USP54: variants seen among roughly 807,000 people sequenced by gnomAD.
USP54 encodes ubiquitin carboxyl-terminal hydrolase 54.
A neutral mutation model predicts 170.5 loss-of-function variants in USP54; 87 were observed. The observed-to-expected ratio is 0.51, with a 90% CI of 0.43 to 0.61. The LOEUF is 0.61. Among genes scored for constraint, USP54 ranks in the 20% least tolerant of loss-of-function variants. The probability of loss-of-function intolerance (pLI) is 0.00; values close to 1 mark genes in which losing one functional copy is unlikely to be tolerated. For missense variants in USP54, 1,786 were observed against 2,047.8 expected, an observed-to-expected ratio of 0.87 and a Z score of 2.47; for synonymous variants, 655 against 742.8, an observed-to-expected ratio of 0.88 and a Z score of 1.92.
At chr10:73,544,018 C>T (rs1590214008) in intron 5 of USP54, among the ~76,000 whole-genome samples, 2 of 152,068 alleles carry the variant, frequency 1.3e-5, no homozygotes, top group South Asian at 4.2e-4. Flanking sequence ...TCTCGGCTCA[C>T]TGCAACCTCT....
At chr10:73,601,899 A>G (rs12774761) in intron 1 of USP54, among the ~76,000 whole-genome samples, 2 of 152,200 alleles carry the variant, frequency 1.3e-5, no homozygotes, top group African/African-American at 4.8e-5. Flanking sequence ...ATTTTCAGCT[A>G]CAACGGAGGT....
intron 1 of USP54, among the ~76,000 whole-genome samples, chr10:73,606,034 C>A (rs2079591447): frequency 6.6e-6 from 1 of 151,566 alleles, no homozygotes; most frequent in African/African-American, 2.4e-5. Context: ...AAAAATTAGC[C>A]AGGCGTGGTG....
intron 1 of USP54, among the ~76,000 whole-genome samples, chr10:73,582,369 G>T (rs956484288): frequency 6.6e-6 from 1 of 151,960 alleles, no homozygotes; most frequent in African/African-American, 2.4e-5. Context: ...TAAAGTGTGG[G>T]AAGTTTCTAA....
chr10:73,571,328 T>C (rs1275985936), intron 4 of USP54, 93 bp downstream of exon 4: 1 of 1,035,868 alleles, frequency 9.7e-7, no homozygotes, highest in East Asian at 2.4e-5. Flanking sequence ...CAGTAACAAA[T>C]TCTTTGGCAT....
In USP54 at chr10:73,499,009, T is replaced by C. The variant is rs1385363216; in HGVS notation, c.4675A>G (p.Thr1559Ala). ...GTTAGTTGAGGATTGCACCCTGGAG[T>C]AGTCAGGAATCTGGTCCCAATATGC... ...NQHIGTRFLTTPGCNPQLTYT... is the reference protein window; with the variant it reads ...NQHIGTRFLTAPGCNPQLTYT... The change falls in exon 24 of 24, where the codon ACT (threonine) becomes GCT (alanine). Residue 1559 changes from threonine to alanine, a missense_variant. Thr to Ala is a moderately conservative substitution (Grantham distance 58). Transcript: ENST00000687698. 2 of 1,613,990 alleles carry C rather than the reference T, an allele frequency of 1.2e-6. No homozygotes were observed. Among genetic ancestry groups the C allele is most frequent in the African/African-American group, 2.7e-5 (2 of 74,964 alleles).
chr10:73,615,979 AG>A (rs1295946018), intron 1 of USP54, among the ~76,000 whole-genome samples: 3 of 149,008 alleles, frequency 2.0e-5, no homozygotes, highest in East Asian at 2.0e-4. Flanking sequence ...GGCCAAGGTG[AG>A]AGGATTACTT....
chr10:73,575,423 T>C (rs1416102998), intron 3 of USP54, 89 bp downstream of exon 3: 2 of 1,382,050 alleles, frequency 1.4e-6, no homozygotes, highest in African/African-American at 1.5e-5. Flanking sequence ...ACAGAGACTA[T>C]CAAACATTTT....
Position 73,616,390 on chromosome 10 carries a change from A to C in USP54, c.-18+9177T>G, listed in dbSNP as rs187519128. Among the ~76,000 whole-genome samples, 7 of 149,426 alleles carry C rather than the reference A, an allele frequency of 4.7e-5. No individual in the cohort carries two copies. The East Asian group carries it at 1.3e-3, about 29-fold the overall frequency. ...AAGTTCCATTCATGTATCCTCAGCA[A>C]ACTAACACAGGAACAGAAAACCAAA... On this transcript the variant is annotated intron_variant, in intron 1 of 22. Transcript: ENST00000339859.
intron 10 of USP54, among the ~76,000 whole-genome samples, chr10:73,539,202 C>G (rs903107767): frequency 4.0e-5 from 6 of 150,310 alleles, no homozygotes; most frequent in African/African-American, 1.5e-4. Context: ...TCACTTGAAC[C>G]CAGGAGGCAG....
At chr10:73,623,675 T>C (rs999421949) in intron 1 of USP54, among the ~76,000 whole-genome samples, 1 of 152,182 alleles carries the variant, frequency 6.6e-6, no homozygotes, top group Non-Finnish European at 1.5e-5. Flanking sequence ...AACAAATTCT[T>C]TGTCCTGTCA....
At chr10:73,597,529 C>T (rs977315252) in intron 1 of USP54, among the ~76,000 whole-genome samples, 2 of 152,104 alleles carry the variant, frequency 1.3e-5, no homozygotes, top group African/African-American at 4.8e-5. Context: ...AGCTTTGACT[C>T]CCTGTGATTT....
At chr10:73,577,130 C>T (rs980870752) in intron 1 of USP54, among the ~76,000 whole-genome samples, 12 of 152,178 alleles carry the variant, frequency 7.9e-5, no homozygotes, top group Non-Finnish European at 7.3e-5. Context: ...ACATCTCCAG[C>T]TTTAAGTTTT....
chr10:73,570,550 CTTT>C (rs554652532), intron 4 of USP54, among the ~76,000 whole-genome samples: 3 of 132,242 alleles, frequency 2.3e-5, no homozygotes, highest in Non-Finnish European at 3.3e-5. Context: ...TTTCCTTTTT[CTTT>C]TTTTTTTTTT....
intron 1 of USP54, among the ~76,000 whole-genome samples, chr10:73,584,448 T>C (rs1198161357): frequency 2.0e-5 from 3 of 152,172 alleles, no homozygotes; most frequent in African/African-American, 7.2e-5. Flanking sequence ...GGGTTATATG[T>C]GAAACCTCTT....
In USP54 at chr10:73,546,251, T is replaced by C. The variant is rs141451004; in HGVS notation, c.241-579A>G. On this transcript the variant is annotated intron_variant, in intron 4 of 23. Transcript: ENST00000687698. ...TCTACCAGCCACTCATATCATAAAT[T>C]TGTTGTATAATCTGTTTTTAATAGT... is the stretch of plus-strand genomic sequence containing the variant. Among the ~76,000 whole-genome samples, 218 of 152,322 alleles carry C rather than the reference T, an allele frequency of 1.4e-3. 3 individuals are homozygous for C. The highest frequency in any genetic ancestry group is 4.9e-3 in the African/African-American group (202 of 41,576).
chr10:73,505,476 C>A, intron 20 of USP54, 50 bp from the exon 21 acceptor site: 1 of 1,501,710 alleles, frequency 6.7e-7, no homozygotes, highest in Non-Finnish European at 9.2e-7. Context: ...TCCCCTAGGG[C>A]CTAACCTCTA....
At chr10:73,532,501 CA>C (rs142797813) in intron 12 of USP54, among the ~76,000 whole-genome samples, 1 of 152,256 alleles carries the variant, frequency 6.6e-6, no homozygotes, top group Non-Finnish European at 1.5e-5. Context: ...AATGTTAAAC[CA>C]ATGGGCATGT....
At chr10:73,621,667 A>G (rs1321366594) in intron 1 of USP54, among the ~76,000 whole-genome samples, 1 of 152,072 alleles carries the variant, frequency 6.6e-6, no homozygotes, top group East Asian at 1.9e-4. Context: ...GTCTGTTGTA[A>G]TAACATTTCC....
intron 1 of USP54, among the ~76,000 whole-genome samples, chr10:73,621,357 G>A (rs533000574): frequency 7.4e-5 from 11 of 149,338 alleles, no homozygotes; most frequent in Admixed American, 2.0e-4. Context: ...ATCCCAGCAC[G>A]TTGGGAGGCC....
Sources: gnomAD v4.1 joint callset for allele counts (sites outside exome capture counted in the v4.1 genomes callset) on GRCh38, gnomAD v4.1.1 for gene constraint, MANE v1.5 for transcripts, NCBI Gene and HGNC (gene_info 2026-07-23, HGNC 2026-07-21) for gene names.